SNRPN: variants seen among roughly 807,000 people sequenced by gnomAD.
The protein encoded by SNRPN is small nuclear ribonucleoprotein-associated protein N.
Under a neutral mutation model 25.2 loss-of-function variants are expected in SNRPN, and 7 were observed. That is an observed-to-expected ratio of 0.28 (90% CI 0.16 to 0.52). The LOEUF (loss-of-function observed/expected upper bound fraction) is 0.52, where lower values mean the gene tolerates loss of function less well. Ranked by LOEUF, SNRPN falls within the 20% of genes least tolerant of loss-of-function variation. The pLI is 0.96. For synonymous variants in SNRPN, 124 were observed against 110.6 expected (o/e 1.12, Z -0.76); for missense variants, 196 against 322.5 (o/e 0.61, Z 3.00).
rs770006588 is a variant in SNRPN at position 24,962,216 on chromosome 15, AC to A, written c.-295+8del. 3.2e-5 allele frequency: 52 copies of A among 1,610,908 alleles called. No individual in the cohort carries two copies. In the African/African-American group the frequency reaches 4.0e-4, roughly 12 times the overall value. On this transcript the variant is annotated splice_region_variant and intron_variant, in intron 2 of 9. Transcript: ENST00000390687. ...CCTCACTGAGCAACCAAGAGTGAGT[AC>A]AGACTGTGTTGGGAACAAATGCAAG...
At chr15:24,925,927 A>G (rs1338142654) in intron 3 of SNRPN, among the ~76,000 whole-genome samples, 1 of 152,004 alleles carries the variant, frequency 6.6e-6, no homozygotes, top group Admixed American at 6.6e-5. Flanking sequence ...GTAGAAATGG[A>G]GTTTCACTGT....
intron 1 of SNRPN, among the ~76,000 whole-genome samples, chr15:24,858,385 T>A (rs1021227820): frequency 1.3e-5 from 2 of 152,298 alleles, no homozygotes; most frequent in Admixed American, 1.3e-4. Flanking sequence ...TTCTCAGTTA[T>A]GATTTTTTGC....
chr15:24,912,508 A>G (rs2059276535), intron 2 of SNRPN: 1 of 152,170 alleles, frequency 6.6e-6, no homozygotes, highest in African/African-American at 2.4e-5. Context: ...AGTTACTAAG[A>G]TGGAATGGAC....
chr15:24,976,481 T>C, intron 6 of SNRPN, 65 bp downstream of exon 6: 1 of 1,094,520 alleles, frequency 9.1e-7, no homozygotes, highest in Non-Finnish European at 1.4e-6. Context: ...GTGAGATGTC[T>C]GAAATCAGGG....
chr15:24,896,513 C>G (rs1313676405), intron 2 of SNRPN, among the ~76,000 whole-genome samples: 132 of 151,800 alleles, frequency 8.7e-4, no homozygotes, highest in Non-Finnish European at 1.3e-4. Flanking sequence ...GATCGAGACC[C>G]CCCCGCCGGC....
chr15:24,954,107 T>TC (rs1172887740), upstream of SNRPN, among the ~76,000 whole-genome samples: 2 of 152,262 alleles, frequency 1.3e-5, no homozygotes, highest in Non-Finnish European at 2.9e-5. Flanking sequence ...CAGTGTCTTT[T>TC]CCCAAGCTAC....
intron 1 of SNRPN, among the ~76,000 whole-genome samples, chr15:24,957,675 A>G (rs1395744663): frequency 1.3e-5 from 2 of 152,150 alleles, no homozygotes; most frequent in Admixed American, 6.5e-5. Flanking sequence ...GGAATAATCT[A>G]TTTTTGGGTA....
Position 24,931,765 on chromosome 15 carries a change from G to A in SNRPN, c.-391+11641G>A, listed in dbSNP as rs574333576. Among the ~76,000 whole-genome samples, 9 of 140,600 alleles carry A rather than the reference G, an allele frequency of 6.4e-5. No individual in the cohort carries two copies. The South Asian group carries it at 1.6e-3, about 25-fold the overall frequency. 92.2% of individuals were successfully genotyped at this position (140,600 alleles called of 152,430 possible). On this transcript the variant is annotated intron_variant, in intron 3 of 11. Coordinates refer to the SNRPN transcript ENST00000400097. ...AGGTGGGAGAATCCCTTGAACTTGA[G>A]GAGACAGAGGTTGCAGTGAGCCAAG...
intron 2 of SNRPN, among the ~76,000 whole-genome samples, chr15:24,910,052 C>G (rs985587347): frequency 2.0e-5 from 3 of 152,056 alleles, no homozygotes; most frequent in Non-Finnish European, 4.4e-5. Flanking sequence ...TTCTCCAGTT[C>G]TTTAATGTTT....
chr15:24,940,747 G>C (rs972279994), intron 3 of SNRPN, among the ~76,000 whole-genome samples: 2 of 151,710 alleles, frequency 1.3e-5, no homozygotes, highest in Non-Finnish European at 2.9e-5. Context: ...CTCTAAAGGA[G>C]CTGTGTGTGT....
At chr15:24,964,407 C>G (rs1388472411) in intron 2 of SNRPN, among the ~76,000 whole-genome samples, 1 of 152,164 alleles carries the variant, frequency 6.6e-6, no homozygotes, top group East Asian at 1.9e-4. Flanking sequence ...ATTCTCCTGC[C>G]TCAGTCTCCC....
Position 24,873,454 on chromosome 15 carries a change from C to CTT in SNRPN, c.-578-13061_-578-13060insTT, listed in dbSNP as rs112275081. On this transcript the variant is annotated intron_variant, in intron 1 of 11. Transcript: ENST00000400097. ...CAATTCTCCTGCAAATATTTTGTCT[C>CTT]TCTTTTTTTTTGAGACAAAGTCTCG... is the stretch of plus-strand genomic sequence containing the variant. Among the ~76,000 whole-genome samples the CTT allele has an allele frequency of 3.1e-4, 35 of 111,988 alleles. 5 individuals carry two copies. Among genetic ancestry groups the CTT allele is most frequent in the African/African-American group, 1.1e-3 (35 of 32,938 alleles). 73.5% of individuals were successfully genotyped at this position (111,988 alleles called of 152,430 possible). A position where few individuals can be genotyped will look rare whatever the true frequency, so the allele number is the denominator to read the frequency against.
chr15:24,841,198 T>G (rs1355238225), intron 2 of SNRPN, among the ~76,000 whole-genome samples: 1 of 152,212 alleles, frequency 6.6e-6, no homozygotes, highest in East Asian at 1.9e-4. Context: ...GTGTCATTGT[T>G]CCATTTAGTA....
Position 24,977,853 on chromosome 15 carries a change from A to G in SNRPN, c.496A>G (p.Thr166Ala), listed in dbSNP as rs773523359. ...AATASIAGAPTQYPPGRGTPP... is the reference protein window; with the variant it reads ...AATASIAGAPAQYPPGRGTPP... ...GACTGCCAGTATTGCTGGAGCCCCA[A>G]CACAGTACCCACCAGGACGGGGCAC... is the stretch of plus-strand genomic sequence containing the variant. Residue 166 changes from threonine to alanine, a missense_variant, in exon 8 of 10, where the codon ACA becomes GCA. Transcript: ENST00000390687. 2.5e-6 allele frequency: 4 copies of G among 1,613,728 alleles called. No individual in the cohort carries two copies. The highest frequency in any genetic ancestry group is 2.7e-5 in the African/African-American group (2 of 75,014).
chr15:24,865,154 C>T (rs2054453316), intron 1 of SNRPN, among the ~76,000 whole-genome samples: 1 of 151,136 alleles, frequency 6.6e-6, no homozygotes, highest in Non-Finnish European at 1.5e-5. Context: ...TCAAGCGATT[C>T]ACCTGCCTCA....
At chr15:24,968,200 C>A in intron 3 of SNRPN, 118 bp downstream of exon 3, 1 of 660,262 alleles carries the variant, frequency 1.5e-6, no homozygotes, top group Non-Finnish European at 2.6e-6. Flanking sequence ...ATACAATAAA[C>A]ACATTGCAGA....
At chr15:24,962,248 A>C (rs1177119112) in intron 2 of SNRPN, 39 bp downstream of exon 2, 1 of 1,534,690 alleles carries the variant, frequency 6.5e-7, no homozygotes, top group Admixed American at 1.7e-5. Flanking sequence ...GCAAGTCAGA[A>C]TCTCCTTTCA....
At chr15:24,926,360 C>T (rs1052824681) in intron 3 of SNRPN, among the ~76,000 whole-genome samples, 27 of 152,220 alleles carry the variant, frequency 1.8e-4, no homozygotes, top group Admixed American at 1.7e-3. Flanking sequence ...TCTCTTTCCA[C>T]CCGTAATGAC....
At chr15:24,837,646 G>A (rs1392955026) in intron 2 of SNRPN, among the ~76,000 whole-genome samples, 1 of 151,958 alleles carries the variant, frequency 6.6e-6, no homozygotes, top group Non-Finnish European at 1.5e-5. Context: ...TGGGATTACA[G>A]GCGTGAGCCA....
Sources: gnomAD v4.1 joint callset for allele counts (sites outside exome capture counted in the v4.1 genomes callset) on GRCh38, gnomAD v4.1.1 for gene constraint, MANE v1.5 for transcripts, NCBI Gene and HGNC (gene_info 2026-07-23, HGNC 2026-07-21) for gene names.